The following CHRM5 variants were observed in gnomAD, a reference collection of about 807,000 sequenced individuals.
CHRM5 encodes the protein cholinergic receptor muscarinic 5, also known as muscarinic acetylcholine receptor M5.
Under a neutral mutation model 39.0 loss-of-function variants are expected in CHRM5, and 18 were observed. The ratio of observed to expected loss-of-function variants is 0.46; its 90% CI spans 0.32 to 0.68. CHRM5 has a LOEUF of 0.68. Ranked by LOEUF, CHRM5 falls within the 30% of genes least tolerant of loss-of-function variation. The probability of loss-of-function intolerance (pLI) is 0.04; values close to 1 mark genes in which losing one functional copy is unlikely to be tolerated. For missense variants in CHRM5, 515 were observed against 651.1 expected (o/e 0.79, Z 2.28); for synonymous variants, 241 against 246.3 (o/e 0.98, Z 0.20).
At chr15:34,026,832 A>C (rs1898493771) in intron 1 of CHRM5, among the ~76,000 whole-genome samples, 1 of 152,154 alleles carries the variant, frequency 6.6e-6, no homozygotes, top group Non-Finnish European at 1.5e-5. Flanking sequence ...CTTTTGTTCA[A>C]CCTTAAGAGA....
At chr15:34,040,892 A>G (rs1194611974) in intron 1 of CHRM5, among the ~76,000 whole-genome samples, 5 of 106,888 alleles carry the variant, frequency 4.7e-5, no homozygotes, top group Non-Finnish European at 9.0e-5. Context: ...ACAGAAGGAG[A>G]CTGTCTAAAA....
At chr15:34,027,397 T>C (rs1231782287) in intron 1 of CHRM5, among the ~76,000 whole-genome samples, 1 of 151,620 alleles carries the variant, frequency 6.6e-6, no homozygotes, top group Non-Finnish European at 1.5e-5. Context: ...GGCGTGTTGG[T>C]GGGCACCTGT....
intron 1 of CHRM5, among the ~76,000 whole-genome samples, chr15:34,013,840 C>T (rs1897744829): frequency 6.6e-6 from 1 of 152,048 alleles, no homozygotes; most frequent in African/African-American, 2.4e-5. Context: ...TGTACGAGGA[C>T]CCATGAGCGA....
intron 2 of CHRM5, among the ~76,000 whole-genome samples, 169 bp from the exon 3 acceptor site, chr15:34,062,474 G>T (rs1422905839): frequency 1.4e-5 from 2 of 146,298 alleles, no homozygotes; most frequent in African/African-American, 5.0e-5. Context: ...AGAATGGCCT[G>T]AACCCGGGAG....
At chr15:34,038,679 G>A (rs1899287300) in intron 1 of CHRM5, 9 of 1,036,220 alleles carry the variant, frequency 8.7e-6, no homozygotes, top group South Asian at 9.3e-5. Context: ...CGCCCGTCTG[G>A]CGCGCGCCTG....
intron 1 of CHRM5, among the ~76,000 whole-genome samples, chr15:34,022,015 T>A (rs1261612274): frequency 6.6e-6 from 1 of 152,182 alleles, no homozygotes; most frequent in Non-Finnish European, 1.5e-5. Context: ...AGAATTCAAG[T>A]GCAAATATTT....
At chr15:34,036,899 C>T (rs1206409122) in intron 1 of CHRM5, among the ~76,000 whole-genome samples, 1 of 152,118 alleles carries the variant, frequency 6.6e-6, no homozygotes, top group Non-Finnish European at 1.5e-5. Context: ...CACCTGAGGT[C>T]AGGAGTTCGA....
intron 2 of CHRM5, among the ~76,000 whole-genome samples, chr15:34,053,407 C>G (rs1041423794): frequency 2.7e-5 from 4 of 147,644 alleles, no homozygotes; most frequent in African/African-American, 1.0e-4. Context: ...CTGGAGGTGT[C>G]GTGCTACCTA....
At chr15:34,033,719 G>A (rs537504802) in intron 1 of CHRM5, among the ~76,000 whole-genome samples, 1 of 152,124 alleles carries the variant, frequency 6.6e-6, no homozygotes, top group Non-Finnish European at 1.5e-5. Context: ...GGGAGATGGG[G>A]AATTAAAATA....
intron 1 of CHRM5, among the ~76,000 whole-genome samples, chr15:34,030,220 T>C (rs1898707512): frequency 6.6e-6 from 1 of 151,722 alleles, no homozygotes; most frequent in African/African-American, 2.4e-5. Context: ...CACCACTGCA[T>C]TCCAGCCTGG....
At chr15:34,022,962 C>T (rs1281221898) in intron 1 of CHRM5, among the ~76,000 whole-genome samples, 1 of 152,122 alleles carries the variant, frequency 6.6e-6, no homozygotes, top group Non-Finnish European at 1.5e-5. Context: ...CCGAGGCGGG[C>T]GGATCACAAG....
intron 1 of CHRM5, among the ~76,000 whole-genome samples, chr15:33,988,615 G>A (rs1039744527): frequency 1.3e-5 from 2 of 152,274 alleles, no homozygotes; most frequent in East Asian, 1.9e-4. Context: ...TGGCCACAGG[G>A]CTCATTTACA....
At chr15:33,981,071 A>G (rs977695912) in intron 1 of CHRM5, among the ~76,000 whole-genome samples, 1 of 94,126 alleles carries the variant, frequency 1.1e-5, no homozygotes, top group Non-Finnish European at 2.8e-5. Flanking sequence ...TACAATCACA[A>G]CTTGATTCCA....
rs577474369 is a variant in CHRM5, at chr15:34,063,311, C to A, written c.594C>A (p.Ala198=). The A allele has an allele frequency of 6.2e-7, 1 of 1,614,170 alleles. No homozygotes were observed. Among genetic ancestry groups the A allele is most frequent in the South Asian group, 1.1e-5 (1 of 91,084 alleles). ...LSEPTITFGT[A]IAAFYIPVSV... ...AGCCCACCATCACTTTTGGCACTGC[C>A]ATTGCTGCCTTCTACATCCCTGTTT... The change falls in exon 3 of 3, where the codon GCC becomes GCA. Residue 198 remains alanine, a synonymous_variant. Transcript: ENST00000383263. This position sits in a 1 kb window ranked among gnomAD's most constrained non-coding sequence, Gnocchi z 4.1.
chr15:34,039,061 C>G (rs891905059), intron 1 of CHRM5: 4 of 1,092,092 alleles, frequency 3.7e-6, no homozygotes, highest in Non-Finnish European at 2.2e-6. Flanking sequence ...CCGCCGCTGG[C>G]GGTGCTGAGC....
intron 2 of CHRM5, among the ~76,000 whole-genome samples, chr15:34,053,319 A>ATATATATATATATAT (rs1555520677): frequency 1.2e-4 from 5 of 42,062 alleles, no homozygotes; most frequent in African/African-American, 4.0e-4. Flanking sequence ...AAAAAAAAAA[A>ATATATATATATATAT]ATATATATAT....
At chr15:33,995,326 TA>T (rs891189177) in intron 1 of CHRM5, among the ~76,000 whole-genome samples, 3 of 152,068 alleles carry the variant, frequency 2.0e-5, no homozygotes, top group African/African-American at 7.2e-5. Context: ...AAAATACAAA[TA>T]AAAAATAATA....
intron 2 of CHRM5, among the ~76,000 whole-genome samples, chr15:34,057,782 C>A (rs565623126): frequency 6.6e-6 from 1 of 152,254 alleles, no homozygotes; most frequent in African/African-American, 2.4e-5. Flanking sequence ...AGTGATAGAG[C>A]AAGACCTTGT....
chr15:34,011,493 A>G (rs1346280420), intron 1 of CHRM5, among the ~76,000 whole-genome samples: 1 of 152,222 alleles, frequency 6.6e-6, no homozygotes, highest in Non-Finnish European at 1.5e-5. Flanking sequence ...TTGGGCTCCA[A>G]AATACTGTGG....
Sources: allele counts gnomAD v4.1 joint callset (sites outside exome capture counted in the v4.1 genomes callset), GRCh38; gene constraint gnomAD v4.1.1; non-coding constraint Gnocchi (gnomAD v3.1); transcripts MANE v1.5; gene names NCBI Gene and HGNC (gene_info 2026-07-23, HGNC 2026-07-21).